The following ARHGEF11 variants were observed in gnomAD, a reference collection of about 807,000 sequenced individuals.
ARHGEF11 encodes Rho guanine nucleotide exchange factor 11.
ARHGEF11 carries 55 observed loss-of-function variants against 193.7 expected under a neutral mutation model. That is an observed-to-expected ratio of 0.28 (90% confidence interval 0.23 to 0.36). ARHGEF11 has a LOEUF of 0.36. ARHGEF11 is among the 10% of genes least tolerant of loss of function. ARHGEF11 has a pLI of 1.00. For missense variants in ARHGEF11, 1,723 were observed against 2,005.6 expected, an observed-to-expected ratio of 0.86 and a Z score of 2.69; for synonymous variants, 693 against 768.0, an observed-to-expected ratio of 0.90 and a Z score of 1.62.
At chr1:157,006,627 A>G (rs983844007) in intron 1 of ARHGEF11, among the ~76,000 whole-genome samples, 1 of 152,152 alleles carries the variant, frequency 6.6e-6, no homozygotes, top group African/African-American at 2.4e-5. Flanking sequence ...GGGGCTCAAT[A>G]CTTTGGTTCT....
Position 156,969,328 on chromosome 1 carries a change from T to A in ARHGEF11, c.779A>T (p.Asp260Val), listed in dbSNP as rs774152753. The A allele has an allele frequency of 1.9e-6, 3 of 1,609,004 alleles. No individual in the cohort carries two copies. The highest frequency in any genetic ancestry group is 1.7e-5 in the Admixed American group (1 of 59,524). Residue 260 changes from aspartate to valine, a missense_variant, in exon 10 of 41, where the codon GAC (aspartate) becomes GTC (valine). By Grantham distance (152) the Asp-to-Val change is radical. Transcript: ENST00000368194. ...GRLSLDSQEG[D>V]SGLDSGTERF... ...TTCTGTCCCAGAGTCCAAGCCACTG[T>A]CCCCCTCCTGGGAATCCAGAGAGAG...
chr1:156,949,097 G>A, intron 22 of ARHGEF11: 1 of 985,386 alleles, frequency 1.0e-6, no homozygotes, highest in African/African-American at 1.7e-5. Context: ...TTGTGATGTG[G>A]ATGAGTTCCA....
chr1:157,003,972 A>AG (rs1667514127), intron 1 of ARHGEF11, among the ~76,000 whole-genome samples: 1 of 152,216 alleles, frequency 6.6e-6, no homozygotes, highest in East Asian at 1.9e-4. Flanking sequence ...CCATGGGAAA[A>AG]GGGGGGCTTA....
Position 157,038,807 on chromosome 1 carries a change from T to C in ARHGEF11, c.32+5492A>G, listed in dbSNP as rs549557962. On this transcript the variant is annotated intron_variant, in intron 1 of 40. Transcript: ENST00000368194. ...ACTTTGGGAGGCCGAGGTGGGCAGATTGCTTGAGTTCAGGAGTTTGAGACC... is the reference window on the plus strand; with the variant it reads ...ACTTTGGGAGGCCGAGGTGGGCAGACTGCTTGAGTTCAGGAGTTTGAGACC... Among the ~76,000 whole-genome samples, 12 of 152,262 alleles carry C rather than the reference T, an allele frequency of 7.9e-5. No individual in the cohort carries two copies. In the East Asian group the frequency reaches 1.9e-3, roughly 25 times the overall value.
rs566335523 is a variant in ARHGEF11, at chr1:156,985,570, C to T, written c.124+512G>A. On this transcript the variant is annotated intron_variant, in intron 2 of 40. Coordinates refer to ENST00000368194, the MANE Select transcript of ARHGEF11 (RefSeq NM_198236.3). ...TCCTGAGTAGCTGGGACTACAGGCA[C>T]GCACCACCACACCTGGCTAATTTTT... Among the ~76,000 whole-genome samples, 7 of 152,044 alleles carry T rather than the reference C, an allele frequency of 4.6e-5. No individual in the cohort carries two copies. In the East Asian group the frequency reaches 1.4e-3, roughly 30 times the overall value.
At chr1:156,961,828 T>G (rs1024237343) in intron 13 of ARHGEF11, 53 bp from the exon 14 acceptor site, 1 of 1,554,474 alleles carries the variant, frequency 6.4e-7, no homozygotes, top group Non-Finnish European at 8.9e-7. Flanking sequence ...AGCAGTGATT[T>G]TGCCCCCTAG....
chr1:157,002,156 A>T (rs746634966), intron 1 of ARHGEF11, among the ~76,000 whole-genome samples: 2 of 152,214 alleles, frequency 1.3e-5, no homozygotes, highest in Non-Finnish European at 2.9e-5. Context: ...ATCCAGGCAC[A>T]AATCACATGA....
chr1:157,025,781 AGT>A (rs978895740), intron 1 of ARHGEF11, among the ~76,000 whole-genome samples: 1 of 152,120 alleles, frequency 6.6e-6, no homozygotes, highest in African/African-American at 2.4e-5. Context: ...CTGTCAAAAA[AGT>A]GTGTCCTATG....
chr1:156,937,218 C>T (rs771963707), intron 39 of ARHGEF11, 31 bp downstream of exon 39: 10 of 1,612,620 alleles, frequency 6.2e-6, no homozygotes, highest in Admixed American at 5.0e-5. Flanking sequence ...GGACTGAAGG[C>T]CTGCAGGGAC....
Position 156,936,842 on chromosome 1 carries a change from T to A in ARHGEF11, c.4604A>T (p.His1535Leu). The A allele has an allele frequency of 6.2e-7, 1 of 1,614,082 alleles. No homozygotes were observed. Among genetic ancestry groups the A allele is most frequent in the East Asian group, 2.2e-5 (1 of 44,862 alleles). The change falls in exon 40 of 41, where the codon CAT becomes CTT. Residue 1535 changes from histidine to leucine, a missense_variant. His to Leu is a moderately conservative substitution (Grantham distance 99). This residue lies in a region of ARHGEF11 where 360 missense variants were observed against 344.4 expected (regional missense o/e 1.05). Transcript: ENST00000368194. ...ATCCTCAGGGCAGGGCCCCAGTTCA[T>A]GGCTGTTCCTGGAGTCAGAAGCTAG... Reference protein sequence around the residue: ...EPLASDSRNSHELGPCPEDGS... With the variant: ...EPLASDSRNSLELGPCPEDGS...
At chr1:157,017,923 A>G (rs912713553) in intron 1 of ARHGEF11, among the ~76,000 whole-genome samples, 1 of 152,174 alleles carries the variant, frequency 6.6e-6, no homozygotes, top group Non-Finnish European at 1.5e-5. Context: ...ATGACTTAGA[A>G]TCAAGCAAGC....
intron 1 of ARHGEF11, among the ~76,000 whole-genome samples, chr1:157,043,676 CA>C (rs1433359873): frequency 6.6e-6 from 1 of 152,210 alleles, no homozygotes; most frequent in African/African-American, 2.4e-5. Flanking sequence ...GGTCTCAATT[CA>C]AACTCTAAGC....
Position 156,959,053 on chromosome 1 carries a change from C to T in ARHGEF11, c.1372G>A (p.Asp458Asn), listed in dbSNP as rs769155252. 12 of 1,614,104 alleles carry T rather than the reference C, an allele frequency of 7.4e-6. No homozygotes were observed. Among genetic ancestry groups the T allele is most frequent in the African/African-American group, 4.0e-5 (3 of 74,942 alleles). Residue 458 changes from aspartate to asparagine, a missense_variant, in exon 16 of 41, where the codon GAC (aspartate) becomes AAC (asparagine). This residue lies in a region of ARHGEF11 where 646 missense variants were observed against 710.7 expected (regional missense o/e 0.91). Coordinates refer to ENST00000368194, the MANE Select transcript of ARHGEF11 (RefSeq NM_198236.3). ...AMPEIQEQIH[D>N]YRTKRTLGLG... Reference sequence around the variant, plus strand: ...GTCAGCTCCTGGGCCAACCTGTAGTCGTGGATCTGCTCTTGGATCTCAGGC... The same window carrying T: ...GTCAGCTCCTGGGCCAACCTGTAGTTGTGGATCTGCTCTTGGATCTCAGGC...
chr1:156,945,007 T>A lies in ARHGEF11; in HGVS notation c.2991+12A>T, dbSNP rs1657855092. The A allele has an allele frequency of 3.1e-6, 5 of 1,611,638 alleles. No homozygotes were observed. Among genetic ancestry groups the A allele is most frequent in the Non-Finnish European group, 4.2e-6 (5 of 1,179,462 alleles). On this transcript the variant is annotated intron_variant, in intron 30 of 40. Transcript: ENST00000368194. The stretch of plus-strand genomic sequence containing the variant: ...GTGTGAGGGGTTGACTGCTGCAGCC[T>A]CTGCCTCCTACCTTGAACTCTGCTG...
At chr1:157,010,266 A>T (rs1288339185) in intron 1 of ARHGEF11, among the ~76,000 whole-genome samples, 2 of 152,234 alleles carry the variant, frequency 1.3e-5, no homozygotes, top group Non-Finnish European at 2.9e-5. Context: ...CAATTAGGCA[A>T]GAAAAAGAAA....
At chr1:156,957,871 T>TAA (rs1441038122) in intron 17 of ARHGEF11, 56 bp from the exon 18 acceptor site, 12 of 1,587,434 alleles carry the variant, frequency 7.6e-6, no homozygotes, top group Non-Finnish European at 1.0e-5. Context: ...GCTGGTCACC[T>TAA]GGTTAGAGGC....
At chr1:156,941,341 T>TGGCTCCCACAGGACAGTTCAGGGCC (rs1289105205) in intron 35 of ARHGEF11, 31 bp downstream of exon 35, 3 of 1,612,640 alleles carry the variant, frequency 1.9e-6, no homozygotes, top group Non-Finnish European at 1.7e-6. Context: ...AGGCCTGGGC[T>TGGCTCCCACAGGACAGTTCAGGGCC]GGCTCCCACA....
Position 156,947,817 on chromosome 1 carries a change from C to G in ARHGEF11, c.2293G>C (p.Val765Leu), listed in dbSNP as rs765031844. 3.1e-6 allele frequency: 5 copies of G among 1,613,910 alleles called. No homozygotes were observed. Among genetic ancestry groups the G allele is most frequent in the Non-Finnish European group, 4.2e-6 (5 of 1,179,990 alleles). ...NWQHTVGKDV[V>L]AGLTQREIDR... Reference sequence around the variant, plus strand: ...ATCTCCCGCTGGGTTAGCCCAGCCACCACATCCTTGCCCACTGTATGCTGC... The same window carrying G: ...ATCTCCCGCTGGGTTAGCCCAGCCAGCACATCCTTGCCCACTGTATGCTGC... Residue 765 changes from valine to leucine, a missense_variant, in exon 25 of 41, where the codon GTG becomes CTG. By Grantham distance (32) the Val-to-Leu change is conservative. Coordinates refer to ENST00000368194, the MANE Select transcript of ARHGEF11 (RefSeq NM_198236.3).
At chr1:157,028,205 T>C (rs1297627113) in intron 1 of ARHGEF11, among the ~76,000 whole-genome samples, 2 of 152,288 alleles carry the variant, frequency 1.3e-5, no homozygotes, top group Non-Finnish European at 2.9e-5. Context: ...GGCTCCAAGA[T>C]CAGGACAAGC....
Sources: allele counts gnomAD v4.1 joint callset (sites outside exome capture counted in the v4.1 genomes callset), GRCh38; gene constraint gnomAD v4.1.1; regional missense constraint gnomAD v4.1.1; transcripts MANE v1.5; gene names NCBI Gene and HGNC (gene_info 2026-07-23, HGNC 2026-07-21).